Variants in GPC6 observed in about 807,000 individuals in gnomAD.
The protein encoded by GPC6 is glypican 6.
In GPC6, 14 loss-of-function variants were observed where a neutral mutation model predicts 55.2. That is an observed-to-expected ratio of 0.25 (90% CI 0.17 to 0.40). The LOEUF (loss-of-function observed/expected upper bound fraction) is 0.40, where lower values mean the gene tolerates loss of function less well. GPC6 is among the 10% of genes least tolerant of loss of function. The pLI is 1.00. For missense variants in GPC6, 641 were observed against 708.5 expected, an observed-to-expected ratio of 0.90 and a Z score of 1.08; for synonymous variants, 278 against 259.6, an observed-to-expected ratio of 1.07 and a Z score of -0.68.
At chr13:93,659,235 G>T (rs756993419) in intron 2 of GPC6, among the ~76,000 whole-genome samples, 39 of 151,712 alleles carry the variant, frequency 2.6e-4, no homozygotes, top group Non-Finnish European at 4.6e-4. Context: ...CTCTTTTTGT[G>T]GATTAGTTCC....
At chr13:93,884,061 C>T (rs574719419) in intron 3 of GPC6, among the ~76,000 whole-genome samples, 2 of 152,194 alleles carry the variant, frequency 1.3e-5, no homozygotes, top group South Asian at 4.1e-4. Flanking sequence ...CGACATATGG[C>T]ACATACTCAA....
intron 1 of GPC6, among the ~76,000 whole-genome samples, chr13:93,415,742 T>C (rs1876674176): frequency 6.6e-6 from 1 of 152,158 alleles, no homozygotes; most frequent in African/African-American, 2.4e-5. Flanking sequence ...ATTTGAGTAC[T>C]GGAAGATGAG....
intron 2 of GPC6, among the ~76,000 whole-genome samples, chr13:93,805,238 C>G (rs921313678): frequency 2.6e-5 from 4 of 152,124 alleles, no homozygotes; most frequent in South Asian, 2.1e-4. Context: ...TAACTAATCT[C>G]TATTAAATCT....
chr13:93,869,890 T>A (rs1411424560), intron 3 of GPC6, among the ~76,000 whole-genome samples: 1 of 151,842 alleles, frequency 6.6e-6, no homozygotes, highest in Admixed American at 6.6e-5. Flanking sequence ...ACTCCACAGC[T>A]GGTTTTAAAA....
intron 2 of GPC6, among the ~76,000 whole-genome samples, chr13:93,809,830 G>A (rs1304069400): frequency 6.6e-6 from 1 of 152,130 alleles, no homozygotes; most frequent in Non-Finnish European, 1.5e-5. Flanking sequence ...GGTCTACTGC[G>A]TGTGTTTAGT....
intron 4 of GPC6, among the ~76,000 whole-genome samples, chr13:94,045,604 G>C (rs1883702999): frequency 6.6e-6 from 1 of 151,854 alleles, no homozygotes; most frequent in Non-Finnish European, 1.5e-5. Context: ...ATGAACCTTG[G>C]TGAAAATATT....
chr13:93,336,501 G>A (rs1384888699), intron 1 of GPC6, among the ~76,000 whole-genome samples: 1 of 152,128 alleles, frequency 6.6e-6, no homozygotes, highest in East Asian at 1.9e-4. Context: ...ACTCCAGAAA[G>A]GCAGGGTGCT....
At chr13:94,328,969 A>AC (rs1434761092) in intron 6 of GPC6, among the ~76,000 whole-genome samples, 1 of 151,998 alleles carries the variant, frequency 6.6e-6, no homozygotes, top group African/African-American at 2.4e-5. Context: ...GTTTGCTGTG[A>AC]CCCCTCTGAA....
intron 4 of GPC6, among the ~76,000 whole-genome samples, chr13:94,076,730 G>A (rs1259876915): frequency 1.3e-5 from 2 of 151,832 alleles, no homozygotes; most frequent in African/African-American, 4.8e-5. Context: ...CACTTGAAGA[G>A]ACTATCTTTT....
chr13:93,544,159 A>C (rs1483479949), intron 1 of GPC6, among the ~76,000 whole-genome samples: 1 of 151,764 alleles, frequency 6.6e-6, no homozygotes, highest in Non-Finnish European at 1.5e-5. Context: ...AAAAAAAATG[A>C]CTTCAAAACA....
At chr13:93,667,671 A>C (rs1264203755) in intron 2 of GPC6, among the ~76,000 whole-genome samples, 1 of 150,776 alleles carries the variant, frequency 6.6e-6, no homozygotes, top group Non-Finnish European at 1.5e-5. Context: ...GACCTCAAGT[A>C]ATCTGCCCAC....
At chr13:93,922,596 C>A (rs955944174) in intron 3 of GPC6, among the ~76,000 whole-genome samples, 2 of 152,104 alleles carry the variant, frequency 1.3e-5, no homozygotes, top group African/African-American at 4.8e-5. Context: ...ATTCCTCTTC[C>A]CCCCAGCTAT....
At chr13:93,678,380 A>G (rs929304777) in intron 2 of GPC6, among the ~76,000 whole-genome samples, 4 of 152,146 alleles carry the variant, frequency 2.6e-5, no homozygotes, top group Non-Finnish European at 5.9e-5. Context: ...ATGATACACA[A>G]TGTTGTATGT....
chr13:93,437,951 T>A (rs1307108358), intron 1 of GPC6, among the ~76,000 whole-genome samples: 1 of 152,126 alleles, frequency 6.6e-6, no homozygotes, highest in East Asian at 1.9e-4. Flanking sequence ...GATTTTAAAT[T>A]GAGGCCAGTG....
chr13:94,392,308 T>C (rs1437508090), intron 7 of GPC6, among the ~76,000 whole-genome samples: 1 of 151,776 alleles, frequency 6.6e-6, no homozygotes, highest in Non-Finnish European at 1.5e-5. Flanking sequence ...AATAATAATA[T>C]ATGTATTATT....
At chr13:93,643,240 A>T (rs1259018664) in intron 2 of GPC6, among the ~76,000 whole-genome samples, 1 of 152,102 alleles carries the variant, frequency 6.6e-6, no homozygotes, top group East Asian at 1.9e-4. Context: ...GTGACAGCAT[A>T]TTCATGATTT....
At chr13:94,155,121 T>G (rs911493754) in intron 4 of GPC6, among the ~76,000 whole-genome samples, 23 of 152,068 alleles carry the variant, frequency 1.5e-4, no homozygotes, top group Admixed American at 1.4e-3. Flanking sequence ...AGGTCAAACG[T>G]CTCTCCTGAT....
chr13:93,489,431 T>A (rs548967649), intron 1 of GPC6, among the ~76,000 whole-genome samples: 2 of 151,596 alleles, frequency 1.3e-5, no homozygotes, highest in African/African-American at 2.4e-5. Flanking sequence ...TTCTTTTGGC[T>A]TAGGATTGTC....
At chr13:93,864,941 G>T (rs1341640643) in intron 3 of GPC6, among the ~76,000 whole-genome samples, 1 of 151,652 alleles carries the variant, frequency 6.6e-6, no homozygotes, top group Non-Finnish European at 1.5e-5. Context: ...CAAATTTTGT[G>T]TAAAGATAAT....
Sources: gnomAD v4.1 joint callset for allele counts (sites outside exome capture counted in the v4.1 genomes callset) on GRCh38, gnomAD v4.1.1 for gene constraint, MANE v1.5 for transcripts, NCBI Gene and HGNC (gene_info 2026-07-23, HGNC 2026-07-21) for gene names.